NNMT: variants seen among roughly 807,000 people sequenced by gnomAD.
NNMT encodes the protein nicotinamide N-methyltransferase.
In NNMT, 10 loss-of-function variants were observed where a neutral mutation model predicts 11.7. That is an observed-to-expected ratio of 0.85 (90% CI 0.53 to 1.45). NNMT has a LOEUF of 1.45. Among genes scored for constraint, NNMT ranks in the 40% most tolerant of loss-of-function variants. NNMT has a pLI of 0.00. For missense variants in NNMT, 381 were observed against 319.4 expected (o/e 1.19, Z -1.47); for synonymous variants, 143 against 133.8 (o/e 1.07, Z -0.48).
At chr11:114,283,106 A>G (rs1288912047) in intron 2 of NNMT, among the ~76,000 whole-genome samples, 3 of 152,140 alleles carry the variant, frequency 2.0e-5, no homozygotes, top group African/African-American at 4.8e-5. Context: ...GCTGGGGGCA[A>G]TCTGGTGGTT....
chr11:114,270,835 C>G (rs1355400956), intron 2 of NNMT, among the ~76,000 whole-genome samples: 1 of 151,658 alleles, frequency 6.6e-6, no homozygotes, highest in Admixed American at 6.6e-5. Context: ...AGTGCAGTGG[C>G]AGGATCTCAG....
At position 114,286,364 on chromosome 11, in the gene NNMT, T is replaced by C. The variant is rs563986234; in HGVS notation, c.-129-10064T>C. On this transcript the variant is annotated intron_variant, in intron 2 of 4. Transcript: ENST00000535401. Reference sequence around the variant, plus strand: ...TGAGCACTGGTTAGCATTGCAGGATTTTTGAAGCACCCTCTTCCCCCTGTG... The same window carrying C: ...TGAGCACTGGTTAGCATTGCAGGATCTTTGAAGCACCCTCTTCCCCCTGTG... Among the ~76,000 whole-genome samples, 71 of 152,306 alleles carry C rather than the reference T, an allele frequency of 4.7e-4. No homozygotes were observed. The South Asian group carries it at 0.014, about 30-fold the overall frequency.
At chr11:114,260,225 A>C (rs1565716804) in intron 1 of NNMT, among the ~76,000 whole-genome samples, 3 of 152,196 alleles carry the variant, frequency 2.0e-5, no homozygotes, top group Admixed American at 6.5e-5. Context: ...GGTAGGTGGT[A>C]TCTCAGGCAT....
chr11:114,294,649 T>G (rs1945359404), upstream of NNMT, among the ~76,000 whole-genome samples: 1 of 152,258 alleles, frequency 6.6e-6, no homozygotes, highest in Admixed American at 6.5e-5. Flanking sequence ...GGATACCCCA[T>G]TTACCCTGAT....
At chr11:114,302,248 G>GT (rs1414234199) in intron 2 of NNMT, among the ~76,000 whole-genome samples, 4 of 151,948 alleles carry the variant, frequency 2.6e-5, no homozygotes, top group Non-Finnish European at 2.9e-5. Context: ...CTTTCTTCCT[G>GT]TTTTCCCTTG....
upstream of NNMT, among the ~76,000 whole-genome samples, chr11:114,292,300 A>G (rs1945340713): frequency 6.6e-6 from 1 of 152,212 alleles, no homozygotes. Flanking sequence ...CAGACATATT[A>G]CTGGAACCTG....
At chr11:114,265,911 G>A (rs933985654) in intron 2 of NNMT, among the ~76,000 whole-genome samples, 2 of 152,010 alleles carry the variant, frequency 1.3e-5, no homozygotes, top group African/African-American at 2.4e-5. Context: ...GGTCATCTGC[G>A]AGTCAGCTTG....
chr11:114,274,845 C>T (rs1187629896), intron 2 of NNMT, among the ~76,000 whole-genome samples: 3 of 152,190 alleles, frequency 2.0e-5, no homozygotes, highest in Non-Finnish European at 4.4e-5. Context: ...CCAATTGCAA[C>T]CTCCAGACTT....
chr11:114,312,419 T>C lies in NNMT; in HGVS notation c.737T>C (p.Met246Thr). ...EVISQSYSST[M>T]ANNEGLFSLV... ...ATCTCGCAAAGTTATTCTTCCACCA[T>C]GGCCAACAACGAAGGACTTTTCTCC... Residue 246 changes from methionine (M) to threonine (T), a missense_variant, in exon 3 of 3, where the codon ATG becomes ACG. Physicochemically the swap from Met to Thr is moderately conservative, Grantham distance 81. Coordinates refer to ENST00000299964, the MANE Select transcript of NNMT (RefSeq NM_006169.3). 2 of 1,614,226 alleles carry C rather than the reference T, an allele frequency of 1.2e-6. No individual in the cohort carries two copies. Among genetic ancestry groups the C allele is most frequent in the African/African-American group, 1.3e-5 (1 of 75,060 alleles).
chr11:114,267,468 C>T (rs867265763), intron 2 of NNMT, among the ~76,000 whole-genome samples: 1 of 152,112 alleles, frequency 6.6e-6, no homozygotes, highest in Admixed American at 6.5e-5. Context: ...GTTATGACTA[C>T]AAATGCCAAT....
At chr11:114,259,390 C>T (rs1020884383) in intron 1 of NNMT, among the ~76,000 whole-genome samples, 11 of 150,160 alleles carry the variant, frequency 7.3e-5, no homozygotes, top group African/African-American at 2.7e-4. Flanking sequence ...GTGCTCATGT[C>T]GATTCATAGA....
At chr11:114,286,781 T>A (rs1945304010) in intron 2 of NNMT, among the ~76,000 whole-genome samples, 1 of 152,218 alleles carries the variant, frequency 6.6e-6, no homozygotes, top group Non-Finnish European at 1.5e-5. Context: ...TCTCTAGGTG[T>A]GTACCTGGAC....
At chr11:114,304,035 CT>C (rs1408890162) in intron 2 of NNMT, among the ~76,000 whole-genome samples, 2 of 151,982 alleles carry the variant, frequency 1.3e-5, no homozygotes, top group Non-Finnish European at 2.9e-5. Context: ...TTTCATACAC[CT>C]TTTTTTTCTG....
chr11:114,304,848 AT>A lies in NNMT; in HGVS notation c.362+6691del, dbSNP rs990494948. ...CACTCTGTCTCAAAAATAATAAAAA[AT>A]AATAATAAAAATAAATAACCCTCAT... On this transcript the variant is annotated intron_variant, in intron 2 of 2. Transcript: ENST00000299964. 2.0e-5 allele frequency among the ~76,000 whole-genome samples: 3 copies of A among 152,348 alleles called. No homozygotes were observed. In the East Asian group the frequency reaches 5.8e-4, roughly 29 times the overall value.
chr11:114,295,790 T>A (rs1025430069), upstream of NNMT: 1 of 152,210 alleles, frequency 6.6e-6, no homozygotes, highest in Non-Finnish European at 1.5e-5. Flanking sequence ...TTGGATTGAC[T>A]GAAAGGAGTG....
In NNMT at chr11:114,312,210, C is replaced by T; in HGVS notation, c.528C>T (p.Tyr176=). ...CCGCCTGCCCAGACCTCCCCACCTA[C>T]TGCAGGGCGCTCAGGAACCTCGGCA... ...LDAACPDLPT[Y]CRALRNLGSL... Residue 176 remains tyrosine, a synonymous_variant, in exon 3 of 3, where the codon TAC becomes TAT. Coordinates refer to ENST00000299964, the MANE Select transcript of NNMT (RefSeq NM_006169.3). 1 of 1,614,234 alleles carries T rather than the reference C, an allele frequency of 6.2e-7. No individual in the cohort carries two copies. Among genetic ancestry groups the T allele is most frequent in the Non-Finnish European group, 8.5e-7 (1 of 1,180,034 alleles).
At chr11:114,271,933 G>C (rs542083058) in intron 2 of NNMT, among the ~76,000 whole-genome samples, 1 of 152,240 alleles carries the variant, frequency 6.6e-6, no homozygotes, top group East Asian at 1.9e-4. Context: ...CCTGGGGGTT[G>C]GTTGAGGGGG....
chr11:114,301,570 C>G (rs577943274), intron 2 of NNMT, among the ~76,000 whole-genome samples: 2 of 151,934 alleles, frequency 1.3e-5, no homozygotes, highest in Non-Finnish European at 2.9e-5. Context: ...AAATGCAAAA[C>G]TAGGGAAGAA....
Position 114,313,269 on chromosome 11 carries a change from A to G in NNMT, c.*792A>G, listed in dbSNP as rs1280951421. On this transcript the variant is annotated 3_prime_UTR_variant, in exon 3 of 3. Coordinates refer to ENST00000299964, the MANE Select transcript of NNMT (RefSeq NM_006169.3). ...TGAGGCAGACAGATTGCTTGAGCTC[A>G]GAAGTTCGAGACTGGCCTGGGGAAC... is the stretch of plus-strand genomic sequence containing the variant. 1.3e-5 allele frequency: 2 copies of G among 152,234 alleles called. No homozygotes were observed. Among genetic ancestry groups the G allele is most frequent in the African/African-American group, 4.8e-5 (2 of 41,458 alleles). The allele number at this position is 152,234 out of a possible 1,614,324, so 9.4% of individuals were successfully genotyped here.
Sources: gnomAD v4.1 joint callset for allele counts (sites outside exome capture counted in the v4.1 genomes callset) on GRCh38, gnomAD v4.1.1 for gene constraint, MANE v1.5 for transcripts, NCBI Gene and HGNC (gene_info 2026-07-23, HGNC 2026-07-21) for gene names.